The following AUTS2 variants were observed in gnomAD, a reference collection of about 807,000 sequenced individuals.
The protein encoded by AUTS2 is activator of transcription and developmental regulator AUTS2.
A neutral mutation model predicts 112.4 loss-of-function variants in AUTS2; 17 were observed. The observed-to-expected ratio is 0.15, with a 90% CI of 0.10 to 0.23. The LOEUF (loss-of-function observed/expected upper bound fraction) is 0.23. Ranked by LOEUF, AUTS2 falls within the 10% of genes least tolerant of loss-of-function variation. The pLI, the probability that AUTS2 is intolerant of heterozygous loss-of-function variation, is 1.00. For missense variants in AUTS2, 1,510 were observed against 1,701.6 expected, an observed-to-expected ratio of 0.89 and a Z score of 1.98; for synonymous variants, 751 against 702.7, an observed-to-expected ratio of 1.07 and a Z score of -1.09.
intron 5 of AUTS2, among the ~76,000 whole-genome samples, chr7:70,568,324 C>T (rs911018844): frequency 3.3e-5 from 5 of 152,180 alleles, no homozygotes; most frequent in Non-Finnish European, 5.9e-5. Context: ...CATTCTGTAT[C>T]TCAGGTTTTA....
At chr7:70,267,444 AT>A (rs1787486860) in intron 4 of AUTS2, among the ~76,000 whole-genome samples, 1 of 152,074 alleles carries the variant, frequency 6.6e-6, no homozygotes, top group African/African-American at 2.4e-5. Context: ...GGACAAGGAG[AT>A]TATAGGAAGC....
intron 1 of AUTS2, among the ~76,000 whole-genome samples, chr7:69,891,734 A>G (rs556928540): frequency 8.2e-6 from 1 of 122,654 alleles, no homozygotes; most frequent in African/African-American, 3.0e-5. Context: ...ACTGATGTTA[A>G]CTATTGTTTT....
At chr7:70,151,825 A>G (rs1022223343) in intron 4 of AUTS2, among the ~76,000 whole-genome samples, 3 of 152,166 alleles carry the variant, frequency 2.0e-5, no homozygotes, top group Admixed American at 2.0e-4. Context: ...TTCTAAAACC[A>G]TTTTATGGCA....
intron 5 of AUTS2, among the ~76,000 whole-genome samples, chr7:70,687,576 T>A (rs1036722356): frequency 2.0e-5 from 3 of 152,224 alleles, no homozygotes; most frequent in Non-Finnish European, 4.4e-5. Flanking sequence ...TATTCCCCCC[T>A]GTGTCTCAAT....
intron 2 of AUTS2, among the ~76,000 whole-genome samples, chr7:70,031,561 T>G (rs1800781314): frequency 6.6e-6 from 1 of 152,138 alleles, no homozygotes; most frequent in Non-Finnish European, 1.5e-5. Flanking sequence ...TTAGAACAGT[T>G]CATCTGGCAT....
intron 1 of AUTS2, among the ~76,000 whole-genome samples, chr7:69,875,407 A>G (rs749450049): frequency 3.9e-5 from 6 of 152,104 alleles, no homozygotes; most frequent in African/African-American, 7.2e-5. Context: ...TCTTGCTCCT[A>G]TCTGAGCCAG....
At position 70,214,531 on chromosome 7, in the gene AUTS2, G is replaced by T. The variant is rs540041279; in HGVS notation, c.660+79960G>T. On this transcript the variant is annotated intron_variant, in intron 4 of 18. Transcript: ENST00000342771. The stretch of plus-strand genomic sequence containing the variant: ...ATACAGATGCCAATAATTTTTTCCA[G>T]TATGTCAGGCATATTAAAATTAAAG... Among the ~76,000 whole-genome samples the T allele has an allele frequency of 1.8e-4, 28 of 152,174 alleles. 1 individual carries two copies. The highest frequency in any genetic ancestry group is 5.3e-4 in the African/African-American group (22 of 41,496).
chr7:70,572,514 A>G (rs969696813), intron 5 of AUTS2, among the ~76,000 whole-genome samples: 7 of 152,098 alleles, frequency 4.6e-5, no homozygotes, highest in Non-Finnish European at 8.8e-5. Flanking sequence ...ATTACTACTT[A>G]AAACATATTC....
chr7:70,075,997 T>C (rs911909457), intron 2 of AUTS2, among the ~76,000 whole-genome samples: 5 of 152,184 alleles, frequency 3.3e-5, no homozygotes, highest in Non-Finnish European at 7.4e-5. Flanking sequence ...AGCAGCCACA[T>C]AGGCAGTATG....
chr7:69,798,475 A>G (rs1344137574), intron 1 of AUTS2, among the ~76,000 whole-genome samples: 1 of 152,150 alleles, frequency 6.6e-6, no homozygotes, highest in Non-Finnish European at 1.5e-5. Context: ...ATTTCTAGGC[A>G]AAAGTACTCC....
At chr7:70,426,631 A>C (rs2130764519) in intron 4 of AUTS2, among the ~76,000 whole-genome samples, 1 of 152,340 alleles carries the variant, frequency 6.6e-6, no homozygotes, top group East Asian at 1.9e-4. Context: ...GGCCTCAGAA[A>C]GTCAATTCTG....
At chr7:70,359,882 A>T (rs1335099463) in intron 4 of AUTS2, among the ~76,000 whole-genome samples, 1 of 152,196 alleles carries the variant, frequency 6.6e-6, no homozygotes, top group Non-Finnish European at 1.5e-5. Flanking sequence ...AATTTTAACA[A>T]TGAGAATTCT....
At chr7:70,669,218 A>T (rs1363236418) in intron 5 of AUTS2, among the ~76,000 whole-genome samples, 1 of 152,160 alleles carries the variant, frequency 6.6e-6, no homozygotes, top group Admixed American at 6.5e-5. Flanking sequence ...TCAGGCTCAC[A>T]TCTAAGCCTG....
intron 5 of AUTS2, among the ~76,000 whole-genome samples, chr7:70,600,915 TTTATTCA>T (rs1803443565): frequency 6.6e-6 from 1 of 152,260 alleles, no homozygotes; most frequent in Non-Finnish European, 1.5e-5. Flanking sequence ...ATTTTGTTTC[TTTATTCA>T]TCCATTGATG....
intron 2 of AUTS2, among the ~76,000 whole-genome samples, chr7:70,047,595 CT>C (rs1237317969): frequency 6.6e-6 from 1 of 152,144 alleles, no homozygotes; most frequent in East Asian, 1.9e-4. Context: ...CTTACAGAGG[CT>C]TTGACAGCAG....
chr7:69,870,638 C>T (rs1211692987), intron 1 of AUTS2, among the ~76,000 whole-genome samples: 7 of 151,692 alleles, frequency 4.6e-5, no homozygotes, highest in Non-Finnish European at 8.8e-5. Context: ...ACACTTCTTA[C>T]AGTCCCCTCT....
At chr7:70,298,396 CTG>C (rs1789046526) in intron 4 of AUTS2, among the ~76,000 whole-genome samples, 1 of 152,142 alleles carries the variant, frequency 6.6e-6, no homozygotes, top group Admixed American at 6.5e-5. Flanking sequence ...CAGAGACAAA[CTG>C]TGACTTTCCT....
intron 1 of AUTS2, among the ~76,000 whole-genome samples, chr7:69,782,221 G>C: frequency 6.6e-6 from 1 of 152,016 alleles, no homozygotes; most frequent in East Asian, 1.9e-4. Flanking sequence ...AGATCAGCTG[G>C]GCGTGGTGGT....
chr7:70,536,869 C>T (rs1351438993), intron 5 of AUTS2, among the ~76,000 whole-genome samples: 2 of 151,988 alleles, frequency 1.3e-5, no homozygotes, highest in East Asian at 3.9e-4. Flanking sequence ...CATTGCACTC[C>T]AGCCTGGGCA....
Sources: gnomAD v4.1 joint callset for allele counts (sites outside exome capture counted in the v4.1 genomes callset) on GRCh38, gnomAD v4.1.1 for gene constraint, MANE v1.5 for transcripts, NCBI Gene and HGNC (gene_info 2026-07-23, HGNC 2026-07-21) for gene names.